Variants in FGF14 observed in about 807,000 individuals in gnomAD.
The protein encoded by FGF14 is fibroblast growth factor homologous factor 4.
A neutral mutation model predicts 25.5 loss-of-function variants in FGF14; 5 were observed. That is an observed-to-expected ratio of 0.20 (90% CI 0.10 to 0.41). The LOEUF is 0.41. FGF14 is among the 10% of genes least tolerant of loss of function. FGF14 has a pLI of 1.00. For missense variants in FGF14, 222 were observed against 320.1 expected, an observed-to-expected ratio of 0.69 and a Z score of 2.34; for synonymous variants, 138 against 118.3, an observed-to-expected ratio of 1.17 and a Z score of -1.08.
At chr13:102,287,322 G>A (rs2141245013) in intron 1 of FGF14, among the ~76,000 whole-genome samples, 1 of 151,792 alleles carries the variant, frequency 6.6e-6, no homozygotes, top group Non-Finnish European at 1.5e-5. Context: ...GAAATTAAAT[G>A]TGACTGGAGG....
intron 1 of FGF14, among the ~76,000 whole-genome samples, chr13:101,976,343 A>G (rs999997715): frequency 4.6e-5 from 7 of 152,230 alleles, no homozygotes; most frequent in African/African-American, 1.7e-4. Context: ...CTTAATAAGC[A>G]TTGATGCGCT....
chr13:102,131,067 T>A (rs1339046040), intron 1 of FGF14, among the ~76,000 whole-genome samples: 3 of 152,146 alleles, frequency 2.0e-5, no homozygotes, highest in African/African-American at 4.8e-5. Context: ...CAAAACTAAT[T>A]GAAATTAAAA....
At chr13:101,820,771 CCACACACCACACA>C (rs1172860160) in intron 3 of FGF14, among the ~76,000 whole-genome samples, 3 of 91,854 alleles carry the variant, frequency 3.3e-5, no homozygotes, top group Non-Finnish European at 5.4e-5. Flanking sequence ...CACACACACA[CCACACACCACACA>C]CACACACACA....
chr13:102,025,156 G>A (rs2040861013), intron 1 of FGF14, among the ~76,000 whole-genome samples: 1 of 151,762 alleles, frequency 6.6e-6, no homozygotes. Flanking sequence ...TTTCAAGACT[G>A]TTTCGGCTAT....
upstream of FGF14, among the ~76,000 whole-genome samples, chr13:101,918,092 G>A (rs2033709615): frequency 6.8e-6 from 1 of 146,998 alleles, no homozygotes; most frequent in Non-Finnish European, 1.5e-5. Flanking sequence ...ACAACAGCCG[G>A]CGTCTCCTCC....
At chr13:101,815,226 T>A (rs1358013194) in intron 3 of FGF14, among the ~76,000 whole-genome samples, 1 of 152,142 alleles carries the variant, frequency 6.6e-6, no homozygotes, top group Non-Finnish European at 1.5e-5. Context: ...ATAACTGGAC[T>A]GGTGTGGGAG....
chr13:101,882,352 G>T (rs575878897), intron 1 of FGF14, among the ~76,000 whole-genome samples: 2 of 151,576 alleles, frequency 1.3e-5, no homozygotes, highest in East Asian at 3.9e-4. Context: ...AAGAACCAAA[G>T]ACATCTGTCG....
At chr13:102,346,188 G>T (rs1380623037) in intron 1 of FGF14, among the ~76,000 whole-genome samples, 3 of 151,984 alleles carry the variant, frequency 2.0e-5, no homozygotes, top group African/African-American at 7.2e-5. Flanking sequence ...TCAGCTTCAG[G>T]ATTCAAAAAT....
chr13:101,878,169 T>A (rs962929783), intron 1 of FGF14, among the ~76,000 whole-genome samples: 4 of 152,222 alleles, frequency 2.6e-5, no homozygotes. Flanking sequence ...GTGGGTTACC[T>A]ATAAATATTC....
At chr13:101,876,945 C>CA (rs1594576193) in intron 1 of FGF14, among the ~76,000 whole-genome samples, 1 of 151,778 alleles carries the variant, frequency 6.6e-6, no homozygotes, top group East Asian at 1.9e-4. Flanking sequence ...CGAATAAAAG[C>CA]AAAAAGAGTT....
chr13:101,919,839 C>T (rs768493517), upstream of FGF14, among the ~76,000 whole-genome samples: 1 of 152,178 alleles, frequency 6.6e-6, no homozygotes, highest in African/African-American at 2.4e-5. Context: ...TTTCCATAAC[C>T]GAGAGATACT....
intron 1 of FGF14, among the ~76,000 whole-genome samples, chr13:101,911,140 A>G (rs2032889839): frequency 6.6e-6 from 1 of 152,138 alleles, no homozygotes; most frequent in Non-Finnish European, 1.5e-5. Flanking sequence ...TTTACACCAA[A>G]GAGAAGGGAG....
At chr13:101,785,363 A>C (rs999879212) in intron 3 of FGF14, among the ~76,000 whole-genome samples, 2 of 150,450 alleles carry the variant, frequency 1.3e-5, no homozygotes, top group Non-Finnish European at 3.0e-5. Context: ...AAAAAAAAAA[A>C]AACCCAAACC....
rs1159833033 is a variant in FGF14 at position 101,721,823 on chromosome 13, A to G, written c.*1008T>C. 1 of 151,186 alleles carries G rather than the reference A, an allele frequency of 6.6e-6. No homozygotes were observed. Among genetic ancestry groups the G allele is most frequent in the South Asian group, 2.1e-4 (1 of 4,786 alleles). 9.4% of individuals were successfully genotyped at this position (151,186 alleles called of 1,614,324 possible). On this transcript the variant is annotated 3_prime_UTR_variant, in exon 5 of 5. Transcript: ENST00000376143. ...GAGTATATCTGAAATGGATTTAGGT[A>G]GCGCAATTCTTGTAGGTTATAATTA... is the stretch of plus-strand genomic sequence containing the variant.
intron 1 of FGF14, among the ~76,000 whole-genome samples, chr13:101,969,428 A>G (rs976515697): frequency 2.0e-5 from 3 of 152,164 alleles, no homozygotes; most frequent in Admixed American, 6.5e-5. Flanking sequence ...GAAATGGTAT[A>G]GTCTAGTGTT....
chr13:101,875,369 TTTCTTTTTTCAGAA>T, intron 1 of FGF14, 73 bp from the exon 2 acceptor site: 1 of 1,057,904 alleles, frequency 9.5e-7, no homozygotes, highest in Non-Finnish European at 1.5e-6. Flanking sequence ...TCTGTTTCTC[TTTCTTTTTTCAGAA>T]GAGGACATTT....
At chr13:101,960,265 T>A (rs2139452150) in intron 1 of FGF14, among the ~76,000 whole-genome samples, 1 of 152,344 alleles carries the variant, frequency 6.6e-6, no homozygotes. Context: ...TAGGTAAACA[T>A]GTCCTATGGT....
At chr13:101,832,056 G>A (rs1412307655) in intron 3 of FGF14, among the ~76,000 whole-genome samples, 2 of 152,070 alleles carry the variant, frequency 1.3e-5, no homozygotes, top group African/African-American at 4.8e-5. Flanking sequence ...GGCATTGGGA[G>A]ATTATCCTTT....
intron 1 of FGF14, among the ~76,000 whole-genome samples, chr13:102,343,932 C>G (rs762537937): frequency 1.3e-5 from 2 of 152,128 alleles, no homozygotes; most frequent in African/African-American, 2.4e-5. Flanking sequence ...GGAAAACATT[C>G]TCATAACCAT....
Sources: gnomAD v4.1 joint callset for allele counts (sites outside exome capture counted in the v4.1 genomes callset) on GRCh38, gnomAD v4.1.1 for gene constraint, MANE v1.5 for transcripts, NCBI Gene and HGNC (gene_info 2026-07-23, HGNC 2026-07-21) for gene names.